The following KIAA1217 variants were observed in gnomAD, a reference collection of about 807,000 sequenced individuals.
The protein encoded by KIAA1217 is KIAA1217, also known as sickle tail protein homolog.
In KIAA1217, 88 loss-of-function variants were observed where a neutral mutation model predicts 163.9. The observed-to-expected ratio is 0.54, with a 90% CI of 0.45 to 0.64. The LOEUF is 0.64. KIAA1217 is among the 30% of genes least tolerant of loss of function. KIAA1217 has a pLI of 0.00. For missense variants in KIAA1217, 2,372 were observed against 2,475.0 expected, an observed-to-expected ratio of 0.96 and a Z score of 0.88; for synonymous variants, 903 against 923.1, an observed-to-expected ratio of 0.98 and a Z score of 0.39.
chr10:24,061,111 A>T (rs966935666), intron 2 of KIAA1217, among the ~76,000 whole-genome samples: 4 of 151,992 alleles, frequency 2.6e-5, no homozygotes, highest in African/African-American at 7.3e-5. Context: ...GTTGATTTTT[A>T]AAAAATTAAT....
intron 1 of KIAA1217, among the ~76,000 whole-genome samples, chr10:23,847,777 C>T (rs1839114940): frequency 6.6e-6 from 1 of 151,996 alleles, no homozygotes. Flanking sequence ...TTTGTTTGCT[C>T]TTGCTTCTCT....
At chr10:23,924,552 G>A (rs892565907) in intron 1 of KIAA1217, among the ~76,000 whole-genome samples, 1 of 152,148 alleles carries the variant, frequency 6.6e-6, no homozygotes, top group Non-Finnish European at 1.5e-5. Flanking sequence ...CACCTTATTT[G>A]TCCTGTCAGA....
chr10:24,197,224 TA>T (rs2067030707), intron 2 of KIAA1217, among the ~76,000 whole-genome samples: 1 of 152,206 alleles, frequency 6.6e-6, no homozygotes, highest in South Asian at 2.1e-4. Context: ...TCTTTTTTGA[TA>T]AATGGTCATT....
At chr10:23,973,635 TTA>T (rs1382142515) in intron 1 of KIAA1217, among the ~76,000 whole-genome samples, 2 of 152,352 alleles carry the variant, frequency 1.3e-5, no homozygotes, top group East Asian at 1.9e-4. Flanking sequence ...TAGCAAATTC[TTA>T]TGTCATTGAA....
intron 14 of KIAA1217, among the ~76,000 whole-genome samples, chr10:24,531,460 A>G (rs956653936): frequency 3.3e-5 from 5 of 152,108 alleles, no homozygotes; most frequent in Non-Finnish European, 5.9e-5. Context: ...TATCTATCCA[A>G]GTAATACTCA....
chr10:24,015,475 G>A (rs893515222), intron 2 of KIAA1217, among the ~76,000 whole-genome samples: 4 of 152,050 alleles, frequency 2.6e-5, no homozygotes, highest in African/African-American at 9.7e-5. Context: ...GCAACATAAG[G>A]CCAGGCATGG....
chr10:23,752,215 G>T (rs1008151448), intron 1 of KIAA1217, among the ~76,000 whole-genome samples: 9 of 152,152 alleles, frequency 5.9e-5, no homozygotes, highest in Admixed American at 1.3e-4. Context: ...TTGGAATTTC[G>T]CTAATTAGCG....
chr10:24,080,174 T>C (rs2131651924), intron 2 of KIAA1217, among the ~76,000 whole-genome samples: 1 of 152,316 alleles, frequency 6.6e-6, no homozygotes, highest in Non-Finnish European at 1.5e-5. Context: ...TTAAGGTTTC[T>C]TGTACGTGTA....
chr10:24,294,166 T>A (rs544163322), intron 2 of KIAA1217, among the ~76,000 whole-genome samples: 1 of 110,294 alleles, frequency 9.1e-6, no homozygotes, highest in Non-Finnish European at 1.7e-5. Flanking sequence ...CCAGCCTGGG[T>A]GACAGAGCGA....
At chr10:23,967,342 T>C (rs1264259471) in intron 1 of KIAA1217, among the ~76,000 whole-genome samples, 1 of 152,084 alleles carries the variant, frequency 6.6e-6, no homozygotes, top group East Asian at 1.9e-4. Flanking sequence ...TTTAGAAAAT[T>C]ACATGGTAAT....
intron 1 of KIAA1217, among the ~76,000 whole-genome samples, chr10:23,820,655 A>G (rs11013729): frequency 0.31 from 47,668 of 152,086 alleles, 9,579 homozygotes; most frequent in African/African-American, 0.57. Flanking sequence ...ATTTGCAAAG[A>G]CATCAGGCTG....
chr10:24,272,122 C>T (rs2076830320), intron 2 of KIAA1217, among the ~76,000 whole-genome samples: 1 of 152,084 alleles, frequency 6.6e-6, no homozygotes, highest in Non-Finnish European at 1.5e-5. Flanking sequence ...CCTTGTTTTC[C>T]CTTCTCTCTA....
intron 6 of KIAA1217, among the ~76,000 whole-genome samples, chr10:24,491,525 A>T (rs991230645): frequency 6.6e-6 from 1 of 151,986 alleles, no homozygotes; most frequent in African/African-American, 2.4e-5. Flanking sequence ...CTTGACCTCA[A>T]GTGATCCACC....
chr10:24,331,145 G>T (rs769177522), intron 2 of KIAA1217, among the ~76,000 whole-genome samples: 1 of 151,676 alleles, frequency 6.6e-6, no homozygotes, highest in African/African-American at 2.4e-5. Context: ...GTCTCCCTGT[G>T]TTGCCTAGGC....
intron 16 of KIAA1217, among the ~76,000 whole-genome samples, chr10:24,536,153 A>G (rs1238376543): frequency 6.6e-6 from 1 of 152,216 alleles, no homozygotes; most frequent in Non-Finnish European, 1.5e-5. Flanking sequence ...AAGAGCCAAC[A>G]GTTGGCTCTT....
At chr10:23,934,606 TGTATATATATATATATA>T (rs1564545822) in intron 1 of KIAA1217, among the ~76,000 whole-genome samples, 1,498 of 76,254 alleles carry the variant, frequency 0.02, 89 homozygotes, top group East Asian at 0.042. Flanking sequence ...TATATATATA[TGTATATATATATATATA>T]TATTTTTTTT....
intron 2 of KIAA1217, among the ~76,000 whole-genome samples, chr10:24,177,521 G>A (rs1281428246): frequency 6.6e-6 from 1 of 151,242 alleles, no homozygotes; most frequent in South Asian, 2.1e-4. Context: ...TTTTCCCCTG[G>A]ATACCCAGTA....
rs79598842 is a variant in KIAA1217, at chr10:23,870,073, T to C, written c.-320-137152T>C. Among the ~76,000 whole-genome samples the C allele has an allele frequency of 1.5e-3, 221 of 152,242 alleles. 1 individual carries two copies. Among genetic ancestry groups the C allele is most frequent in the African/African-American group, 5.2e-3 (215 of 41,562 alleles). ...ATACGTGAACATGAAATGTAGCTTT[T>C]TGCCTAAGTAGCATATATTTTAAAG... is the stretch of plus-strand genomic sequence containing the variant. On this transcript the variant is annotated intron_variant, in intron 1 of 18. Transcript: ENST00000376462.
intron 1 of KIAA1217, among the ~76,000 whole-genome samples, chr10:23,749,927 C>T (rs1448755617): frequency 6.6e-6 from 1 of 152,168 alleles, no homozygotes; most frequent in Admixed American, 6.5e-5. Context: ...ATATACCAAC[C>T]ATCTCCACAA....
Sources: allele counts gnomAD v4.1 joint callset (sites outside exome capture counted in the v4.1 genomes callset), GRCh38; gene constraint gnomAD v4.1.1; transcripts MANE v1.5; gene names NCBI Gene and HGNC (gene_info 2026-07-23, HGNC 2026-07-21).